The following MYO1D variants were observed in gnomAD, a reference collection of about 807,000 sequenced individuals.
The protein encoded by MYO1D is myosin ID.
In MYO1D, 83 loss-of-function variants were observed where a neutral mutation model predicts 122.0. The ratio of observed to expected loss-of-function variants is 0.68; its 90% confidence interval spans 0.57 to 0.82. The LOEUF (loss-of-function observed/expected upper bound fraction) is 0.82. MYO1D is among the 40% of genes least tolerant of loss of function. The probability of loss-of-function intolerance (pLI) is 0.00; values close to 1 mark genes in which losing one functional copy is unlikely to be tolerated. For missense variants in MYO1D, 1,157 were observed against 1,269.5 expected, an observed-to-expected ratio of 0.91 and a Z score of 1.35; for synonymous variants, 464 against 446.9, an observed-to-expected ratio of 1.04 and a Z score of -0.48.
At chr17:32,557,121 C>T (rs1053935224) in intron 21 of MYO1D, among the ~76,000 whole-genome samples, 39 of 120,030 alleles carry the variant, frequency 3.2e-4, no homozygotes, top group Admixed American at 1.7e-3. Context: ...TTAGTTTATC[C>T]ATTTTTTTTT....
At chr17:32,764,368 T>C (rs2090033142) in intron 8 of MYO1D, among the ~76,000 whole-genome samples, 1 of 152,206 alleles carries the variant, frequency 6.6e-6, no homozygotes, top group Admixed American at 6.5e-5. Flanking sequence ...GCGTGGTGAC[T>C]GTTAATAATA....
intron 16 of MYO1D, among the ~76,000 whole-genome samples, chr17:32,697,402 A>G (rs946058946): frequency 2.6e-5 from 4 of 152,096 alleles, no homozygotes; most frequent in Non-Finnish European, 4.4e-5. Flanking sequence ...TTCTTTCAAC[A>G]CTCAGTCAAG....
intron 1 of MYO1D, among the ~76,000 whole-genome samples, chr17:32,846,526 G>A (rs961027215): frequency 3.9e-5 from 6 of 152,116 alleles, no homozygotes; most frequent in Non-Finnish European, 5.9e-5. Context: ...TCTACAATCT[G>A]AAATAGAAAT....
intron 21 of MYO1D, among the ~76,000 whole-genome samples, chr17:32,535,121 C>A (rs577975535): frequency 2.6e-5 from 4 of 152,172 alleles, no homozygotes; most frequent in Non-Finnish European, 5.9e-5. Context: ...AGTTTTCCAC[C>A]AAATCAAGCA....
At chr17:32,526,652 G>A (rs1312776073) in intron 21 of MYO1D, among the ~76,000 whole-genome samples, 1 of 151,194 alleles carries the variant, frequency 6.6e-6, no homozygotes, top group East Asian at 1.9e-4. Context: ...CTATTTTCAA[G>A]GTATAGTTAT....
At chr17:32,708,142 G>A (rs2089331635) in intron 16 of MYO1D, among the ~76,000 whole-genome samples, 1 of 152,138 alleles carries the variant, frequency 6.6e-6, no homozygotes, top group Admixed American at 6.5e-5. Context: ...TAGGGGGTGA[G>A]AAGAAATGTG....
chr17:32,640,709 T>C (rs1174002369), intron 19 of MYO1D, among the ~76,000 whole-genome samples: 1 of 151,484 alleles, frequency 6.6e-6, no homozygotes, highest in Non-Finnish European at 1.5e-5. Flanking sequence ...CCACATTTTC[T>C]TAATCCAGTC....
At chr17:32,779,212 A>G (rs9909965) in intron 2 of MYO1D, among the ~76,000 whole-genome samples, 4 of 152,220 alleles carry the variant, frequency 2.6e-5, no homozygotes, top group African/African-American at 9.6e-5. Context: ...TCCTAAGGAA[A>G]TACTAAAAAA....
chr17:32,620,005 C>T (rs1190990630), intron 20 of MYO1D, among the ~76,000 whole-genome samples: 2 of 152,194 alleles, frequency 1.3e-5, no homozygotes, highest in African/African-American at 2.4e-5. Context: ...CAGGCTTCCA[C>T]TAAAAGTGGG....
intron 20 of MYO1D, among the ~76,000 whole-genome samples, chr17:32,605,941 CA>C (rs1202276828): frequency 6.6e-6 from 1 of 150,980 alleles, no homozygotes; most frequent in Non-Finnish European, 1.5e-5. Context: ...AAAAAACACA[CA>C]AAAAAACATT....
In MYO1D at chr17:32,643,047, T is replaced by G. The variant is rs1464133728; in HGVS notation, c.2596-4212A>C. Among the ~76,000 whole-genome samples, 5 of 152,200 alleles carry G rather than the reference T, an allele frequency of 3.3e-5. No homozygotes were observed. In the East Asian group the frequency reaches 9.6e-4, roughly 29 times the overall value. The stretch of plus-strand genomic sequence containing the variant: ...CACTTTTTGCCCATTCAGTATGATA[T>G]TGGCTGTGGTTTTGTCATAAATAGT... On this transcript the variant is annotated intron_variant, in intron 19 of 21. Coordinates refer to ENST00000318217, the MANE Select transcript of MYO1D (RefSeq NM_015194.3).
At chr17:32,675,876 T>C (rs2150963171) in intron 16 of MYO1D, among the ~76,000 whole-genome samples, 1 of 152,194 alleles carries the variant, frequency 6.6e-6, no homozygotes, top group East Asian at 1.9e-4. Context: ...TGTACATTTT[T>C]ATACAAAACT....
At chr17:32,578,172 ATAAGT>A (rs2087296691) in intron 21 of MYO1D, among the ~76,000 whole-genome samples, 1 of 152,238 alleles carries the variant, frequency 6.6e-6, no homozygotes, top group Non-Finnish European at 1.5e-5. Flanking sequence ...TATACATAAA[ATAAGT>A]TATGTGGTAA....
chr17:32,749,728 A>G (rs1255758653), intron 11 of MYO1D, among the ~76,000 whole-genome samples: 4 of 152,174 alleles, frequency 2.6e-5, no homozygotes, highest in Admixed American at 2.6e-4. Context: ...CCCTGTCTCA[A>G]AAACCAAACC....
intron 21 of MYO1D, among the ~76,000 whole-genome samples, chr17:32,548,054 AG>A: frequency 6.6e-6 from 1 of 152,066 alleles, no homozygotes; most frequent in Admixed American, 6.5e-5. Context: ...TCATCATTGC[AG>A]TTGCTATAGA....
chr17:32,638,571 C>T, intron 20 of MYO1D, 151 bp downstream of exon 20: 1 of 505,258 alleles, frequency 2.0e-6, no homozygotes, highest in African/African-American at 1.9e-5. Context: ...GAAAACTGTA[C>T]ATTTCTACAA....
chr17:32,678,953 A>G, intron 16 of MYO1D, among the ~76,000 whole-genome samples: 2 of 148,744 alleles, frequency 1.3e-5, no homozygotes, highest in African/African-American at 5.1e-5. Context: ...TTGCCATTCT[A>G]ACTGGTGTGA....
At chr17:32,563,975 A>G (rs1267529113) in intron 21 of MYO1D, among the ~76,000 whole-genome samples, 1 of 152,274 alleles carries the variant, frequency 6.6e-6, no homozygotes, top group East Asian at 1.9e-4. Context: ...AGCAGGAGAC[A>G]GTGAGATCGA....
chr17:32,697,784 A>G (rs1293533193), intron 16 of MYO1D, among the ~76,000 whole-genome samples: 1 of 152,224 alleles, frequency 6.6e-6, no homozygotes, highest in Non-Finnish European at 1.5e-5. Context: ...CTCAGAAGAC[A>G]TTACCACTTT....
Sources: allele counts gnomAD v4.1 joint callset (sites outside exome capture counted in the v4.1 genomes callset), GRCh38; gene constraint gnomAD v4.1.1; transcripts MANE v1.5; gene names NCBI Gene and HGNC (gene_info 2026-07-23, HGNC 2026-07-21).